PPP6R1: variants seen among roughly 807,000 people sequenced by gnomAD.
PPP6R1 encodes the protein protein phosphatase 6 regulatory subunit 1.
A neutral mutation model predicts 104.6 loss-of-function variants in PPP6R1; 39 were observed. That is an observed-to-expected ratio of 0.37 (90% CI 0.29 to 0.49). PPP6R1 has a LOEUF of 0.49. Among genes scored for constraint, PPP6R1 ranks in the 20% least tolerant of loss-of-function variants. PPP6R1 has a pLI of 0.98. For synonymous variants in PPP6R1, 549 were observed against 479.0 expected, an observed-to-expected ratio of 1.15 and a Z score of -1.91; for missense variants, 1,181 against 1,155.8, an observed-to-expected ratio of 1.02 and a Z score of -0.32.
intron 1 of PPP6R1, among the ~76,000 whole-genome samples, chr19:55,249,860 T>C (rs991592783): frequency 2.0e-5 from 3 of 152,084 alleles, no homozygotes; most frequent in African/African-American, 7.2e-5. Context: ...AAAAATCCTT[T>C]TAAAGCACAA....
chr19:55,228,523 C>G (rs531872515), downstream of PPP6R1: 41 of 1,563,990 alleles, frequency 2.6e-5, no homozygotes, highest in East Asian at 7.0e-5. Flanking sequence ...GTCCCACCCC[C>G]ACCTGGGACC....
rs779964546 is a variant in PPP6R1, at chr19:55,236,674, C to G, written c.1957G>C (p.Gly653Arg). Residue 653 changes from glycine to arginine, a missense_variant, in exon 17 of 24, where the codon GGG becomes CGG. Transcript: ENST00000412770. The part of the protein sequence containing the change: ...GAWQGSQLAR[G>R]ARLGQPPGVR... ...CCAGGTGGCTGGCCCAGACGGGCCC[C>G]CCTGGCCAGCTGGCTGCCCTGCCAG... 1.3e-6 allele frequency: 2 copies of G among 1,598,032 alleles called. No individual in the cohort carries two copies. Among genetic ancestry groups the G allele is most frequent in the African/African-American group, 2.7e-5 (2 of 74,688 alleles).
At position 55,241,299 on chromosome 19, in the gene PPP6R1, G is replaced by C. The variant is rs780340731; in HGVS notation, c.1101C>G (p.Ser367Arg). The C allele has an allele frequency of 3.1e-6, 5 of 1,611,216 alleles. No homozygotes were observed. The highest frequency in any genetic ancestry group is 4.2e-6 in the Non-Finnish European group (5 of 1,179,652). The change falls in exon 9 of 24, where the codon AGC becomes AGG. Residue 367 changes from serine (S) to arginine (R), a missense_variant. Coordinates refer to ENST00000412770, the MANE Select transcript of PPP6R1 (RefSeq NM_014931.4). This position sits in a 1 kb window ranked among gnomAD's most constrained non-coding sequence, Gnocchi z 5.4. ...CGTGCGTCAGGGCTGCATCATTGGC[G>C]CTCAGGGCACTGGCCAGGAGCTTGA... is the stretch of plus-strand genomic sequence containing the variant. The part of the protein sequence containing the change: ...HVVKLLASAL[S>R]ANDAALTHEL...
chr19:55,233,789 T>A (rs377164045), intron 17 of PPP6R1, among the ~76,000 whole-genome samples: 1 of 152,184 alleles, frequency 6.6e-6, no homozygotes, highest in Non-Finnish European at 1.5e-5. Flanking sequence ...AAGACCTATA[T>A]AAAAAGACAT....
Position 55,231,613 on chromosome 19 carries a change from C to T in PPP6R1, c.2362G>A (p.Val788Ile), listed in dbSNP as rs750036705. The T allele has an allele frequency of 2.5e-6, 4 of 1,611,674 alleles. No homozygotes were observed. The East Asian group carries it at 8.9e-5, about 36-fold the overall frequency. ...CGGGGCTCACCTGAGGGCTCCGTGA[C>T]TTTGCTGCCTTCTGTGGCTTCCTGA... ...APQEATEGSK[V>I]TEPSAPCQAL... The change falls in exon 20 of 24, where the codon GTC (valine) becomes ATC (isoleucine). Residue 788 changes from valine to isoleucine, a missense_variant. By Grantham distance (29) the Val-to-Ile change is conservative. This residue lies in a region of PPP6R1 where 1,042 missense variants were observed against 955.6 expected (regional missense o/e 1.09). Transcript: ENST00000412770.
At chr19:55,237,321 T>C (rs982863325) in intron 15 of PPP6R1, among the ~76,000 whole-genome samples, 1 of 152,010 alleles carries the variant, frequency 6.6e-6, no homozygotes, top group Non-Finnish European at 1.5e-5. Context: ...CTTGTCCCCA[T>C]CCTTGGGGCA....
Position 55,241,328 on chromosome 19 carries a change from C to G in PPP6R1, c.1072G>C (p.Val358Leu), listed in dbSNP as rs371737967. Residue 358 changes from valine (V) to leucine (L), a missense_variant, in exon 9 of 24, where the codon GTG becomes CTG. Coordinates refer to ENST00000412770, the MANE Select transcript of PPP6R1 (RefSeq NM_014931.4). The surrounding 1 kb of genome is among the most constrained non-coding windows in gnomAD (Gnocchi z 5.4). ...AGGGCACTGGCCAGGAGCTTGACCACGTGCAGCCGCGTGTTGCCCAGAGGC... is the reference window on the plus strand; with the variant it reads ...AGGGCACTGGCCAGGAGCTTGACCAGGTGCAGCCGCGTGTTGCCCAGAGGC... ...APPLGNTRLH[V>L]VKLLASALSA... The G allele has an allele frequency of 6.2e-7, 1 of 1,611,790 alleles. No individual in the cohort carries two copies. Among genetic ancestry groups the G allele is most frequent in the African/African-American group, 1.3e-5 (1 of 75,060 alleles).
chr19:55,239,316 G>GT (rs2087427910), intron 15 of PPP6R1, 89 bp downstream of exon 15: 4 of 1,305,574 alleles, frequency 3.1e-6, no homozygotes, highest in Admixed American at 2.0e-5. Context: ...CACAGGGCAT[G>GT]TAGGTGCGTG....
In PPP6R1 at chr19:55,239,677, T is replaced by C. The variant is rs2087432471; in HGVS notation, c.1570A>G (p.Thr524Ala). 1.7e-5 allele frequency: 27 copies of C among 1,610,326 alleles called. No homozygotes were observed. The highest frequency in any genetic ancestry group is 2.2e-5 in the Non-Finnish European group (26 of 1,178,274). ...TCACTGGAGGAGTGTAGGTGGTGGG[T>C]GTTCACCTGGGGAGAGGAGGGGGCG... ...NKKNMVDLVN[T>A]HHLHSSSDDE... Residue 524 changes from threonine (T) to alanine (A), a missense_variant, in exon 14 of 24, where the codon ACC becomes GCC. Physicochemically the swap from Thr to Ala is moderately conservative, Grantham distance 58. Transcript: ENST00000412770.
chr19:55,248,355 C>A (rs1276690546), intron 1 of PPP6R1, among the ~76,000 whole-genome samples: 1 of 152,242 alleles, frequency 6.6e-6, no homozygotes, highest in East Asian at 1.9e-4. Context: ...CATCTGGTCC[C>A]AGCAGACAGC....
At chr19:55,243,189 T>C (rs1191267288) in intron 5 of PPP6R1, among the ~76,000 whole-genome samples, 1 of 151,602 alleles carries the variant, frequency 6.6e-6, no homozygotes. Context: ...CCGAGGCAGG[T>C]GGATCACGAG....
rs966179788 is a variant in PPP6R1 at position 55,245,846 on chromosome 19, C to T, written c.228-168G>A. Among the ~76,000 whole-genome samples, 6 of 151,992 alleles carry T rather than the reference C, an allele frequency of 3.9e-5. No individual in the cohort carries two copies. Among genetic ancestry groups the T allele is most frequent in the Non-Finnish European group, 8.8e-5 (6 of 67,996 alleles). On this transcript the variant is annotated intron_variant, in intron 2 of 23. Transcript: ENST00000412770. This position sits in a 1 kb window ranked among gnomAD's most constrained non-coding sequence, Gnocchi z 6.4. Reference sequence around the variant, plus strand: ...GACAGGGTGACGCAGAAACAAGGGCCCACACCAGGCCTCCTCCACCCTGCT... The same window carrying T: ...GACAGGGTGACGCAGAAACAAGGGCTCACACCAGGCCTCCTCCACCCTGCT...
Position 55,236,968 on chromosome 19 carries a change from G to A in PPP6R1, c.1754C>T (p.Ala585Val), listed in dbSNP as rs1162756777. 3.7e-6 allele frequency: 6 copies of A among 1,611,054 alleles called. No homozygotes were observed. The highest frequency in any genetic ancestry group is 5.1e-6 in the Non-Finnish European group (6 of 1,177,314). The change falls in exon 16 of 24, where the codon GCA becomes GTA. Residue 585 changes from alanine to valine, a missense_variant and splice_region_variant. Ala to Val is a moderately conservative substitution (Grantham distance 64). Around this residue, in one of 2 missense-constraint regions of PPP6R1, gnomAD observed 1,042 missense variants for 955.6 expected, o/e 1.09. Coordinates refer to ENST00000412770, the MANE Select transcript of PPP6R1 (RefSeq NM_014931.4). ...GATGTTGGCTGTCTTGTCAAAAGGTGCGCTAGGAGAGAAGGCAAGGCATGG... is the reference window on the plus strand; with the variant it reads ...GATGTTGGCTGTCTTGTCAAAAGGTACGCTAGGAGAGAAGGCAAGGCATGG... ...EFGEQEESVN[A>V]PFDKTANITF...
intron 17 of PPP6R1, among the ~76,000 whole-genome samples, chr19:55,234,976 C>T (rs2087383456): frequency 6.6e-6 from 1 of 152,144 alleles, no homozygotes; most frequent in African/African-American, 2.4e-5. Flanking sequence ...AGGTCCTGCT[C>T]CTGGGTCTGG....
downstream of PPP6R1, chr19:55,228,470 C>T (rs1361637921): frequency 3.3e-5 from 53 of 1,604,604 alleles, no homozygotes; most frequent in Admixed American, 8.5e-4. Flanking sequence ...GAGCCGAAAC[C>T]CAGCCCAGCC....
chr19:55,230,272 T>G lies in PPP6R1; in HGVS notation c.*256A>C, dbSNP rs2087327771. The G allele has an allele frequency of 3.5e-6, 2 of 577,356 alleles. No homozygotes were observed. Among genetic ancestry groups the G allele is most frequent in the Admixed American group, 3.0e-5 (1 of 33,320 alleles). The allele number at this position is 577,356 out of a possible 1,614,324, so 35.8% of individuals were successfully genotyped here. On this transcript the variant is annotated 3_prime_UTR_variant, in exon 24 of 24. Transcript: ENST00000412770. Reference sequence around the variant, plus strand: ...CTATATAATATATAATATATGTTTCTCTCTCTCCATTCTCTCTATTTGACT... The same window carrying G: ...CTATATAATATATAATATATGTTTCGCTCTCTCCATTCTCTCTATTTGACT...
chr19:55,229,127 G>A (rs991307419), downstream of PPP6R1: 1 of 216,352 alleles, frequency 4.6e-6, no homozygotes. Flanking sequence ...CCCCTGGAGG[G>A]ATGGGAAGGC....
intron 1 of PPP6R1, among the ~76,000 whole-genome samples, chr19:55,248,800 G>A (rs181926227): frequency 2.3e-4 from 35 of 152,312 alleles, no homozygotes; most frequent in Non-Finnish European, 4.0e-4. Context: ...CTGACAAAAC[G>A]CAGGACAGAG....
Position 55,240,073 on chromosome 19 carries a change from G to C in PPP6R1, c.1403C>G (p.Thr468Arg). The change falls in exon 12 of 24, where the codon ACA becomes AGA. Residue 468 changes from threonine to arginine, a missense_variant. Transcript: ENST00000412770. ...GPRKGYMGHLTRVAGALVQNT... is the reference protein window; with the variant it reads ...GPRKGYMGHLRRVAGALVQNT... The stretch of plus-strand genomic sequence containing the variant: ...CTGCACCAGGGCACCGGCCACTCTT[G>C]TCAGGTGACCCATGTAGCCTTTCCG... The C allele has an allele frequency of 6.2e-7, 1 of 1,601,830 alleles. No individual in the cohort carries two copies. The highest frequency in any genetic ancestry group is 8.5e-7 in the Non-Finnish European group (1 of 1,175,484).
Sources: gnomAD v4.1 joint callset for allele counts (sites outside exome capture counted in the v4.1 genomes callset) on GRCh38, gnomAD v4.1.1 for gene constraint, gnomAD v4.1.1 regional missense constraint, Gnocchi (gnomAD v3.1) non-coding constraint, MANE v1.5 for transcripts, NCBI Gene and HGNC (gene_info 2026-07-23, HGNC 2026-07-21) for gene names.